Variants in GLIS3 observed in about 807,000 individuals in gnomAD.
The protein encoded by GLIS3 is zinc finger protein GLIS3.
A neutral mutation model predicts 78.6 loss-of-function variants in GLIS3; 53 were observed. The observed-to-expected ratio is 0.67, with a 90% CI of 0.54 to 0.85. The LOEUF (loss-of-function observed/expected upper bound fraction) is 0.85, where lower values mean the gene tolerates loss of function less well. Among genes scored for constraint, GLIS3 ranks in the 40% least tolerant of loss-of-function variants. The probability of loss-of-function intolerance (pLI) is 0.00; values close to 1 mark genes in which losing one functional copy is unlikely to be tolerated. For missense variants in GLIS3, 1,703 were observed against 1,231.1 expected (o/e 1.38, Z -5.74); for synonymous variants, 684 against 509.9 (o/e 1.34, Z -4.60).
At chr9:3,993,205 T>C (rs1026085688) in intron 4 of GLIS3, among the ~76,000 whole-genome samples, 2 of 152,146 alleles carry the variant, frequency 1.3e-5, no homozygotes, top group African/African-American at 4.8e-5. Context: ...ACTGACAACA[T>C]ACCTGACTCT....
At chr9:3,947,010 C>T (rs62523485) in intron 4 of GLIS3, among the ~76,000 whole-genome samples, 2 of 142,608 alleles carry the variant, frequency 1.4e-5, no homozygotes, top group African/African-American at 4.9e-5. Context: ...ACAGCCAACC[C>T]CTCACGACGC....
intron 4 of GLIS3, among the ~76,000 whole-genome samples, chr9:4,024,077 G>C (rs759866361): frequency 4.0e-5 from 6 of 151,832 alleles, no homozygotes; most frequent in Admixed American, 6.6e-5. Context: ...GGTGGTTTGA[G>C]AGGCAGAGTT....
intron 9 of GLIS3, 151 bp from the exon 10 acceptor site, chr9:3,829,643 T>G (rs1190820879): frequency 1.3e-6 from 1 of 751,536 alleles, no homozygotes; most frequent in Non-Finnish European, 2.3e-6. Context: ...AAGCAAACAT[T>G]TGGAATGCAC....
chr9:4,481,826 C>T, the GLIS3 span, among the ~76,000 whole-genome samples: 1 of 152,138 alleles, frequency 6.6e-6, no homozygotes, highest in Non-Finnish European at 1.5e-5. Context: ...TACTAATTGC[C>T]TAACTGTCCT....
chr9:4,213,499 T>C (rs916485989), intron 2 of GLIS3, among the ~76,000 whole-genome samples: 7 of 152,244 alleles, frequency 4.6e-5, no homozygotes, highest in African/African-American at 1.7e-4. Context: ...CTCTCCACTA[T>C]GGTTGCCACT....
At chr9:4,452,637 G>T in the GLIS3 span, among the ~76,000 whole-genome samples, 1 of 152,210 alleles carries the variant, frequency 6.6e-6, no homozygotes, top group East Asian at 1.9e-4. Flanking sequence ...TCTTCAAAGA[G>T]AACTACAAAC....
Position 4,243,567 on chromosome 9 carries a change from T to C in GLIS3, c.388+42471A>G, listed in dbSNP as rs72691867. ...AAAGAATATATGAAAAGATGGTTATTTTGCTGGTTATTTTGCTTTGGGATA... is the reference window on the plus strand; with the variant it reads ...AAAGAATATATGAAAAGATGGTTATCTTGCTGGTTATTTTGCTTTGGGATA... On this transcript the variant is annotated intron_variant, in intron 2 of 10. Transcript: ENST00000381971. 8.3e-3 allele frequency among the ~76,000 whole-genome samples: 1,264 copies of C among 152,340 alleles called. 5 individuals are homozygous for C. Among genetic ancestry groups the C allele is most frequent in the Non-Finnish European group, 0.013 (912 of 68,028 alleles).
chr9:4,174,998 T>G (rs1451226935), intron 2 of GLIS3, among the ~76,000 whole-genome samples: 1 of 152,046 alleles, frequency 6.6e-6, no homozygotes, highest in African/African-American at 2.4e-5. Flanking sequence ...GGGATCAGAG[T>G]GTACTTAATT....
intron 2 of GLIS3, among the ~76,000 whole-genome samples, chr9:4,171,839 G>T (rs1167792445): frequency 6.6e-6 from 1 of 152,170 alleles, no homozygotes; most frequent in Admixed American, 6.5e-5. Context: ...CAAATTGGCT[G>T]ATGATTAAAC....
At chr9:4,348,404 A>T (rs1198555364), upstream of GLIS3, 1 of 152,224 alleles carries the variant, frequency 6.6e-6, no homozygotes, top group African/African-American at 2.4e-5. Context: ...CATCCCATGC[A>T]GTGGGAAGCT....
intron 4 of GLIS3, among the ~76,000 whole-genome samples, chr9:3,993,307 T>C (rs1288638700): frequency 6.6e-6 from 1 of 152,186 alleles, no homozygotes; most frequent in Non-Finnish European, 1.5e-5. Context: ...GCAGGTGTAA[T>C]CTTTAATCTT....
At position 4,311,927 on chromosome 9, in the gene GLIS3, CATG is replaced by C. The variant is rs1817366456; in HGVS notation, n.265-1402_265-1400del. 2.0e-5 allele frequency among the ~76,000 whole-genome samples: 3 copies of C among 147,538 alleles called. No individual in the cohort carries two copies. In the South Asian group the frequency reaches 6.7e-4, roughly 33 times the overall value. On this transcript the variant is annotated intron_variant and non_coding_transcript_variant, in intron 2 of 4. Transcript: ENST00000471664. ...CTATTCTTCTTGGAAGTGGAAACTA[CATG>C]ATGAGGACACGTGGACACAGAGAGA...
intron 4 of GLIS3, among the ~76,000 whole-genome samples, chr9:4,000,264 A>C (rs1821040720): frequency 6.6e-6 from 1 of 152,222 alleles, no homozygotes; most frequent in African/African-American, 2.4e-5. Flanking sequence ...TATTATATAC[A>C]CTTCAAAAGC....
chr9:3,887,124 C>G (rs911286813), intron 7 of GLIS3, among the ~76,000 whole-genome samples: 8 of 152,022 alleles, frequency 5.3e-5, no homozygotes, highest in Non-Finnish European at 1.2e-4. Flanking sequence ...TTCTGCCTGT[C>G]TTTTTTTTCC....
the GLIS3 span, among the ~76,000 whole-genome samples, chr9:4,481,542 G>GTGTGTA: frequency 6.6e-6 from 1 of 150,620 alleles, no homozygotes; most frequent in African/African-American, 2.5e-5. Flanking sequence ...GTGTGTGTGT[G>GTGTGTA]TACCGTTTTC....
chr9:4,117,958 C>A lies in GLIS3; in HGVS notation c.1520G>T (p.Cys507Phe). ...GGKHCCRWIDCSALYDQQEEL... is the reference protein window; with the variant it reads ...GGKHCCRWIDFSALYDQQEEL... ...CTCCTGCTGGTCGTACAGGGCGCTG[C>A]AGTCGATCCAGCGGCAGCAATGCTT... The change falls in exon 4 of 11, where the codon TGC becomes TTC. Residue 507 changes from cysteine to phenylalanine, a missense_variant. Cys to Phe is a radical substitution (Grantham distance 205). Coordinates refer to ENST00000381971, the MANE Select transcript of GLIS3 (RefSeq NM_001042413.2). 1.9e-6 allele frequency: 3 copies of A among 1,613,930 alleles called. No homozygotes were observed. Among genetic ancestry groups the A allele is most frequent in the Non-Finnish European group, 2.5e-6 (3 of 1,180,022 alleles).
intron 2 of GLIS3, among the ~76,000 whole-genome samples, chr9:4,249,330 T>C (rs1157485407): frequency 6.6e-6 from 1 of 152,208 alleles, no homozygotes; most frequent in Non-Finnish European, 1.5e-5. Flanking sequence ...TTTGAAGAGA[T>C]CCTTCACATC....
Position 4,279,312 on chromosome 9 carries a change from A to ATAT in GLIS3, c.388+6725_388+6726insATA, listed in dbSNP as rs1444484943. Among the ~76,000 whole-genome samples, 3 of 84,302 alleles carry ATAT rather than the reference A, an allele frequency of 3.6e-5. 1 individual carries two copies. Among genetic ancestry groups the ATAT allele is most frequent in the Admixed American group, 2.6e-4 (2 of 7,566 alleles). 55.3% of individuals were successfully genotyped at this position (84,302 alleles called of 152,430 possible). A position where few individuals can be genotyped will look rare whatever the true frequency, so the allele number is the denominator to read the frequency against. The stretch of plus-strand genomic sequence containing the variant: ...GACTCCATCTCAAAAAAAAAAAAAA[A>ATAT]AAATATATATATACACACACACACA... On this transcript the variant is annotated intron_variant, in intron 2 of 10. Coordinates refer to ENST00000381971, the MANE Select transcript of GLIS3 (RefSeq NM_001042413.2).
chr9:3,902,031 G>A (rs529027301), intron 6 of GLIS3, among the ~76,000 whole-genome samples: 16 of 152,272 alleles, frequency 1.1e-4, no homozygotes, highest in South Asian at 4.2e-4. Flanking sequence ...ATAGTTACCC[G>A]TACCAACGAG....
Sources: allele counts gnomAD v4.1 joint callset (sites outside exome capture counted in the v4.1 genomes callset), GRCh38; gene constraint gnomAD v4.1.1; transcripts MANE v1.5; gene names NCBI Gene and HGNC (gene_info 2026-07-23, HGNC 2026-07-21).